The following ZMYND15 variants were observed in gnomAD, a reference collection of about 807,000 sequenced individuals.
ZMYND15 encodes zinc finger MYND-type containing 15.
ZMYND15 carries 54 observed loss-of-function variants against 81.7 expected under a neutral mutation model. That is an observed-to-expected ratio of 0.66 (90% CI 0.53 to 0.83). ZMYND15 has a LOEUF of 0.83. Among genes scored for constraint, ZMYND15 ranks in the 40% least tolerant of loss-of-function variants. The probability of loss-of-function intolerance (pLI) is 0.00; values close to 1 mark genes in which losing one functional copy is unlikely to be tolerated. For synonymous variants in ZMYND15, 399 were observed against 387.0 expected, an observed-to-expected ratio of 1.03 and a Z score of -0.36; for missense variants, 925 against 973.5, an observed-to-expected ratio of 0.95 and a Z score of 0.66.
chr17:4,745,924 T>A lies in ZMYND15; in HGVS notation c.2163T>A (p.Pro721=). 6.7e-7 allele frequency: 1 copy of A among 1,490,436 alleles called. No individual in the cohort carries two copies. 92.3% of individuals were successfully genotyped at this position (1,490,436 alleles called of 1,614,324 possible). A position where few individuals can be genotyped will look rare whatever the true frequency, so the allele number is the denominator to read the frequency against. Residue 721 remains proline, a synonymous_variant, in exon 14 of 14, where the codon CCT becomes CCA. Coordinates refer to ENST00000433935, the MANE Select transcript of ZMYND15 (RefSeq NM_001136046.3). The surrounding 1 kb of genome is among the most constrained non-coding windows in gnomAD (Gnocchi z 5.2). ...CCCCATCCCCAACTCCCTCTGCTCC[T>A]CCTGCCCCCACCCGAAGGCGCCGAG... is the stretch of plus-strand genomic sequence containing the variant. ...PPPPSPTPSA[P]PAPTRRRRGE...
At chr17:4,741,343 C>T (rs1351418782) in intron 2 of ZMYND15, among the ~76,000 whole-genome samples, 3 of 151,824 alleles carry the variant, frequency 2.0e-5, no homozygotes, top group African/African-American at 7.3e-5. Flanking sequence ...TCTGGATTTA[C>T]ACATTCCCAA....
chr17:4,745,200 C>T lies in ZMYND15; in HGVS notation c.1897-15C>T, dbSNP rs779968453. On this transcript the variant is annotated splice_polypyrimidine_tract_variant and intron_variant, in intron 12 of 13. Coordinates refer to ENST00000433935, the MANE Select transcript of ZMYND15 (RefSeq NM_001136046.3). This position sits in a 1 kb window ranked among gnomAD's most constrained non-coding sequence, Gnocchi z 5.2. ...TGGGGAGGGGCCTCTCAGAGCGACT[C>T]TCGCTCCACCCCAGTCCCTCCGAGT... The T allele has an allele frequency of 1.9e-5, 31 of 1,613,894 alleles. No homozygotes were observed. In the African/African-American group the frequency reaches 3.9e-4, roughly 20 times the overall value.
At position 4,746,030 on chromosome 17, in the gene ZMYND15, AAG is replaced by A. The variant is rs1212475451; in HGVS notation, c.*41_*42del. The A allele has an allele frequency of 7.2e-7, 1 of 1,397,880 alleles. No individual in the cohort carries two copies. Among genetic ancestry groups the A allele is most frequent in the Non-Finnish European group, 9.3e-7 (1 of 1,075,504 alleles). The allele number at this position is 1,397,880 out of a possible 1,614,324, so 86.6% of individuals were successfully genotyped here. A position where few individuals can be genotyped will look rare whatever the true frequency, so the allele number is the denominator to read the frequency against. On this transcript the variant is annotated 3_prime_UTR_variant, in exon 14 of 14. Coordinates refer to ENST00000433935, the MANE Select transcript of ZMYND15 (RefSeq NM_001136046.3). Reference sequence around the variant, plus strand: ...GTAGTCCCCAGCTCCCAAACACTGAAAGGAAAACGTGAAAACACTCAAGGCCT... The same window carrying A: ...GTAGTCCCCAGCTCCCAAACACTGAAGAAAACGTGAAAACACTCAAGGCCT...
Position 4,745,001 on chromosome 17 carries a change from C to T in ZMYND15, c.1896+73C>T. 1 of 1,596,334 alleles carries T rather than the reference C, an allele frequency of 6.3e-7. No homozygotes were observed. The highest frequency in any genetic ancestry group is 8.6e-7 in the Non-Finnish European group (1 of 1,165,258). ...CCTCCCCATCTCCTTTTCTGAAAGT[C>T]TCTGGGCTCTCCTCCTCTTCACCAT... On this transcript the variant is annotated intron_variant, in intron 12 of 13. Transcript: ENST00000433935. This position sits in a 1 kb window ranked among gnomAD's most constrained non-coding sequence, Gnocchi z 5.2.
intron 2 of ZMYND15, 23 bp downstream of exon 2, chr17:4,741,163 G>A (rs1567697755): frequency 2.8e-6 from 4 of 1,414,536 alleles, no homozygotes; most frequent in Non-Finnish European, 3.7e-6. Context: ...GGCTGGCCCT[G>A]CCCTACCCCT....
Position 4,744,209 on chromosome 17 carries a change from A to C in ZMYND15, c.1515A>C (p.Gln505His), listed in dbSNP as rs757654558. 1.9e-6 allele frequency: 3 copies of C among 1,613,904 alleles called. No homozygotes were observed. The Admixed American group carries it at 5.0e-5, about 27-fold the overall frequency. ...VPQSFPELNI[Q>H]NKQSLKIHVV... ...ACCCAGTCCCTGAGCTCAACATCCAAAACAAACAGTCACTGAAGATCCACG... is the reference window on the plus strand; with the variant it reads ...ACCCAGTCCCTGAGCTCAACATCCACAACAAACAGTCACTGAAGATCCACG... The change falls in exon 9 of 14, where the codon CAA becomes CAC. Residue 505 changes from glutamine to histidine, a missense_variant. Transcript: ENST00000433935. This position sits in a 1 kb window ranked among gnomAD's most constrained non-coding sequence, Gnocchi z 4.1.
intron 2 of ZMYND15, 29 bp from the exon 3 acceptor site, chr17:4,741,553 A>G (rs369660222): frequency 6.2e-7 from 1 of 1,611,936 alleles, no homozygotes; most frequent in Non-Finnish European, 8.5e-7. Context: ...GCTGCCCCCT[A>G]CCACCTCAAC....
Position 4,744,535 on chromosome 17 carries a change from C to G in ZMYND15, c.1683+68C>G. 6.2e-7 allele frequency: 1 copy of G among 1,605,324 alleles called. No homozygotes were observed. The highest frequency in any genetic ancestry group is 8.5e-7 in the Non-Finnish European group (1 of 1,174,530). On this transcript the variant is annotated intron_variant, in intron 10 of 13. Coordinates refer to ENST00000433935, the MANE Select transcript of ZMYND15 (RefSeq NM_001136046.3). The surrounding 1 kb of genome is among the most constrained non-coding windows in gnomAD (Gnocchi z 4.1). Reference sequence around the variant, plus strand: ...AGTGACCTCCTGGTTGGGTCCTGCCCTTCTGCCCCCCACTCCCCATCTTGC... The same window carrying G: ...AGTGACCTCCTGGTTGGGTCCTGCCGTTCTGCCCCCCACTCCCCATCTTGC...
intron 2 of ZMYND15, 56 bp downstream of exon 2, chr17:4,741,196 A>G (rs9903643): frequency 0.95 from 1,313,508 of 1,383,552 alleles, 624,371 homozygotes; most frequent in East Asian, 0.97. Context: ...CTCCCTTCGG[A>G]AGCCCTCCCC....
At position 4,741,044 on chromosome 17, in the gene ZMYND15, G is replaced by A. The variant is rs1916383957; in HGVS notation, c.496G>A (p.Glu166Lys). 1.9e-6 allele frequency: 3 copies of A among 1,551,424 alleles called. No individual in the cohort carries two copies. The highest frequency in any genetic ancestry group is 1.2e-5 in the South Asian group (1 of 84,012). The change falls in exon 2 of 14, where the codon GAG becomes AAG. Residue 166 changes from glutamate (E) to lysine (K), a missense_variant. Physicochemically the swap from Glu to Lys is moderately conservative, Grantham distance 56. Transcript: ENST00000433935. The part of the protein sequence containing the change: ...QETNPPGESE[E>K]AAREAGGGKD... ...AACAAACCCTCCAGGAGAGTCAGAG[G>A]AGGCTGCCCGGGAGGCAGGAGGTGG...
chr17:4,745,337 C>A lies in ZMYND15; in HGVS notation c.2019C>A (p.Ser673=). Reference sequence around the variant, plus strand: ...CTCCCCAGCCCAACCCCTTCCGCTCCCCCTTTCGCCTCAGAGCGGCCGACA... The same window carrying A: ...CTCCCCAGCCCAACCCCTTCCGCTCACCCTTTCGCCTCAGAGCGGCCGACA... ...TSPPQPNPFR[S]PFRLRAADNC... The change falls in exon 13 of 14, where the codon TCC becomes TCA. Residue 673 remains serine (S), a synonymous_variant. Transcript: ENST00000433935. The surrounding 1 kb of genome is among the most constrained non-coding windows in gnomAD (Gnocchi z 5.2). 1.2e-6 allele frequency: 2 copies of A among 1,611,068 alleles called. No homozygotes were observed.
At position 4,745,687 on chromosome 17, in the gene ZMYND15, C is replaced by G. The variant is rs1013155770; in HGVS notation, c.2058-132C>G. On this transcript the variant is annotated intron_variant, in intron 13 of 13. Coordinates refer to ENST00000433935, the MANE Select transcript of ZMYND15 (RefSeq NM_001136046.3). The surrounding 1 kb of genome is among the most constrained non-coding windows in gnomAD (Gnocchi z 5.2). ...AACTCAGAGGGGCAAGCCCCGCCCCCTGGTCCCTGACCGCCCGGTGGAGCC... is the reference window on the plus strand; with the variant it reads ...AACTCAGAGGGGCAAGCCCCGCCCCGTGGTCCCTGACCGCCCGGTGGAGCC... 2 of 633,240 alleles carry G rather than the reference C, an allele frequency of 3.2e-6. No homozygotes were observed. The highest frequency in any genetic ancestry group is 1.9e-5 in the African/African-American group (1 of 51,648). 39.2% of individuals were successfully genotyped at this position (633,240 alleles called of 1,614,324 possible). A position where few individuals can be genotyped will look rare whatever the true frequency, so the allele number is the denominator to read the frequency against.
At chr17:4,741,548 C>A (rs981814234) in intron 2 of ZMYND15, 34 bp from the exon 3 acceptor site, 2 of 1,611,496 alleles carry the variant, frequency 1.2e-6, no homozygotes, top group Non-Finnish European at 1.7e-6. Context: ...CTCTCGCTGC[C>A]CCCTACCACC....
Position 4,743,329 on chromosome 17 carries a change from G to C in ZMYND15, c.1171G>C (p.Glu391Gln). 1 of 1,613,852 alleles carries C rather than the reference G, an allele frequency of 6.2e-7. No homozygotes were observed. Among genetic ancestry groups the C allele is most frequent in the Non-Finnish European group, 8.5e-7 (1 of 1,179,912 alleles). Residue 391 changes from glutamate to glutamine, a missense_variant, in exon 6 of 14, where the codon GAG becomes CAG. By Grantham distance (29) the Glu-to-Gln change is conservative. Transcript: ENST00000433935. This position sits in a 1 kb window ranked among gnomAD's most constrained non-coding sequence, Gnocchi z 4.3. ...GGTGACCAGTGAAACCTTCAACAAA[G>C]AGGCCTTCCTGGCCTCTCGGGGCCT... ...AEVTSETFNK[E>Q]AFLASRGLTR...
Position 4,745,110 on chromosome 17 carries a change from C to T in ZMYND15, c.1897-105C>T, listed in dbSNP as rs546722221. ...TCTCCGTCCTCCCCCTGCTCCCCTC[C>T]GCCCGGTCTGTCCGGGGACCTCGGC... is the stretch of plus-strand genomic sequence containing the variant. On this transcript the variant is annotated intron_variant, in intron 12 of 13. Coordinates refer to ENST00000433935, the MANE Select transcript of ZMYND15 (RefSeq NM_001136046.3). The surrounding 1 kb of genome is among the most constrained non-coding windows in gnomAD (Gnocchi z 5.2). 10 of 1,589,358 alleles carry T rather than the reference C, an allele frequency of 6.3e-6. No homozygotes were observed. Among genetic ancestry groups the T allele is most frequent in the South Asian group, 1.1e-5 (1 of 88,494 alleles).
Position 4,743,948 on chromosome 17 carries a change from T to TG in ZMYND15, c.1379-38dup, listed in dbSNP as rs1476356438. 2.6e-6 allele frequency: 4 copies of TG among 1,558,682 alleles called. No homozygotes were observed. The highest frequency in any genetic ancestry group is 3.8e-5 in the Admixed American group (2 of 52,024). ...AAGAGGTTTGTTAGACTAGAGGGGG[T>TG]GGGGGTCCAGGGCCAGGTCCTCTAG... On this transcript the variant is annotated intron_variant, in intron 7 of 13. Transcript: ENST00000433935. The surrounding 1 kb of genome is among the most constrained non-coding windows in gnomAD (Gnocchi z 4.3).
chr17:4,744,177 G>A lies in ZMYND15; in HGVS notation c.1496-13G>A. On this transcript the variant is annotated splice_polypyrimidine_tract_variant and intron_variant, in intron 8 of 13. Transcript: ENST00000433935. The surrounding 1 kb of genome is among the most constrained non-coding windows in gnomAD (Gnocchi z 4.1). ...AGTGGACCACATCCTTAAAGCGCTG[G>A]TTTTTCACCCAGTCCCTGAGCTCAA... 1 of 1,614,038 alleles carries A rather than the reference G, an allele frequency of 6.2e-7. No individual in the cohort carries two copies.
Position 4,743,652 on chromosome 17 carries a change from C to T in ZMYND15, c.1298-115C>T. 1 of 1,294,022 alleles carries T rather than the reference C, an allele frequency of 7.7e-7. No homozygotes were observed. Among genetic ancestry groups the T allele is most frequent in the African/African-American group, 1.5e-5 (1 of 67,192 alleles). 80.2% of individuals were successfully genotyped at this position (1,294,022 alleles called of 1,614,324 possible). ...CAGAAACCCCATCCCTATGCAAACCCCCATTCCTCTTACTGCGGCTGTCTC... is the reference window on the plus strand; with the variant it reads ...CAGAAACCCCATCCCTATGCAAACCTCCATTCCTCTTACTGCGGCTGTCTC... On this transcript the variant is annotated intron_variant, in intron 6 of 13. Transcript: ENST00000433935. The surrounding 1 kb of genome is among the most constrained non-coding windows in gnomAD (Gnocchi z 4.3).
chr17:4,744,969 C>T lies in ZMYND15; in HGVS notation c.1896+41C>T, dbSNP rs769828816. The T allele has an allele frequency of 3.1e-6, 5 of 1,611,362 alleles. No individual in the cohort carries two copies. The highest frequency in any genetic ancestry group is 4.2e-6 in the Non-Finnish European group (5 of 1,177,706). ...AAAAGGGAACTTCTCTCCCCTCCTG[C>T]CTGGCCCCTCCCCATCTCCTTTTCT... On this transcript the variant is annotated intron_variant, in intron 12 of 13. Coordinates refer to ENST00000433935, the MANE Select transcript of ZMYND15 (RefSeq NM_001136046.3). This position sits in a 1 kb window ranked among gnomAD's most constrained non-coding sequence, Gnocchi z 4.1.
Sources: gnomAD v4.1 joint callset for allele counts (sites outside exome capture counted in the v4.1 genomes callset) on GRCh38, gnomAD v4.1.1 for gene constraint, Gnocchi (gnomAD v3.1) non-coding constraint, MANE v1.5 for transcripts, NCBI Gene and HGNC (gene_info 2026-07-23, HGNC 2026-07-21) for gene names.